PRUNE2: variants seen among roughly 807,000 people sequenced by gnomAD.
PRUNE2 encodes prune homolog 2 with BCH domain.
A neutral mutation model predicts 252.0 loss-of-function variants in PRUNE2; 164 were observed. The observed-to-expected ratio is 0.65, with a 90% CI of 0.57 to 0.74. PRUNE2 has a LOEUF of 0.74. PRUNE2 is among the 30% of genes least tolerant of loss of function. PRUNE2 has a pLI of 0.00. For synonymous variants in PRUNE2, 1,292 were observed against 1,350.2 expected (o/e 0.96, Z 0.94); for missense variants, 3,495 against 3,711.0 (o/e 0.94, Z 1.51).
At chr9:76,629,415 A>C in intron 15 of PRUNE2, 125 bp from the exon 16 acceptor site, 2 of 546,440 alleles carry the variant, frequency 3.7e-6, no homozygotes, top group Non-Finnish European at 6.4e-6. Context: ...CTAAGAGGCT[A>C]ACATTATTTG....
At chr9:76,798,640 A>G (rs949414083) in intron 6 of PRUNE2, among the ~76,000 whole-genome samples, 1 of 121,260 alleles carries the variant, frequency 8.2e-6, no homozygotes, top group Non-Finnish European at 1.6e-5. Context: ...GATTGCCATG[A>G]AAAAAAAATG....
At chr9:76,652,046 T>A (rs1242027628) in intron 11 of PRUNE2, 3 of 153,932 alleles carry the variant, frequency 1.9e-5, no homozygotes, top group Non-Finnish European at 4.3e-5. Context: ...AACATCTGAA[T>A]AAAGAGAAGG....
chr9:76,825,576 C>T (rs536422215), intron 5 of PRUNE2, among the ~76,000 whole-genome samples: 1 of 152,336 alleles, frequency 6.6e-6, no homozygotes, highest in Non-Finnish European at 1.5e-5. Flanking sequence ...TTAGTGTTTA[C>T]ATCTTAAAGA....
chr9:76,687,653 C>T (rs910616104), intron 9 of PRUNE2: 11 of 421,988 alleles, frequency 2.6e-5, no homozygotes, highest in African/African-American at 1.4e-4. Flanking sequence ...CCATTCATTC[C>T]GGTAGGAGTT....
intron 10 of PRUNE2, among the ~76,000 whole-genome samples, chr9:76,654,467 G>T (rs1848517926): frequency 6.6e-6 from 1 of 152,220 alleles, no homozygotes; most frequent in Non-Finnish European, 1.5e-5. Flanking sequence ...AATTTGCAGA[G>T]CAGTGATGTC....
At chr9:76,842,029 T>G (rs567345265) in intron 4 of PRUNE2, among the ~76,000 whole-genome samples, 13 of 152,282 alleles carry the variant, frequency 8.5e-5, no homozygotes, top group Admixed American at 2.6e-4. Context: ...AGAACCCGTA[T>G]AGCCAAGACA....
At chr9:76,886,178 C>T (rs1413477892) in intron 1 of PRUNE2, among the ~76,000 whole-genome samples, 1 of 150,052 alleles carries the variant, frequency 6.7e-6, no homozygotes, top group African/African-American at 2.5e-5. Context: ...GAGCGAGACT[C>T]CGTCTAAATT....
chr9:76,868,114 A>C (rs545584590), intron 1 of PRUNE2, among the ~76,000 whole-genome samples: 18 of 152,316 alleles, frequency 1.2e-4, no homozygotes, highest in African/African-American at 4.3e-4. Flanking sequence ...AGGTGGGTGT[A>C]GACGAGATTT....
chr9:76,905,877 C>T (rs1429155033), intron 1 of PRUNE2, 51 bp downstream of exon 1: 14 of 1,611,888 alleles, frequency 8.7e-6, no homozygotes, highest in Non-Finnish European at 1.1e-5. Flanking sequence ...CTCCACCTTT[C>T]CATTAGCATA....
At chr9:76,643,174 A>T (rs1413919920) in intron 12 of PRUNE2, among the ~76,000 whole-genome samples, 1 of 152,160 alleles carries the variant, frequency 6.6e-6, no homozygotes, top group Non-Finnish European at 1.5e-5. Flanking sequence ...CCTAAAGAAC[A>T]AGCAGGCGAG....
intron 6 of PRUNE2, chr9:76,737,231 A>G (rs971384828): frequency 6.6e-6 from 1 of 152,184 alleles, no homozygotes; most frequent in African/African-American, 2.4e-5. Context: ...GTAAGCTGCC[A>G]GGTTGATGAG....
chr9:76,814,701 T>C (rs1384644968), intron 6 of PRUNE2, among the ~76,000 whole-genome samples: 1 of 152,174 alleles, frequency 6.6e-6, no homozygotes, highest in Non-Finnish European at 1.5e-5. Flanking sequence ...TCCATGCCTT[T>C]AGTGCAAAAA....
chr9:76,836,466 T>C (rs2058982520), intron 4 of PRUNE2, among the ~76,000 whole-genome samples: 2 of 151,056 alleles, frequency 1.3e-5, no homozygotes, highest in South Asian at 2.1e-4. Flanking sequence ...TCAGCAAAAA[T>C]AGGTGGGCAA....
intron 1 of PRUNE2, among the ~76,000 whole-genome samples, chr9:76,881,458 A>G (rs924344828): frequency 5.9e-5 from 9 of 152,212 alleles, no homozygotes; most frequent in Non-Finnish European, 8.8e-5. Context: ...AAAGTGAACA[A>G]TTCAATGGAA....
chr9:76,847,221 G>C (rs1439846351), intron 3 of PRUNE2, among the ~76,000 whole-genome samples: 1 of 151,990 alleles, frequency 6.6e-6, no homozygotes, highest in Non-Finnish European at 1.5e-5. Context: ...AGCTACCTGG[G>C]AGGCTGAGGC....
rs540063867 is a variant in PRUNE2 at position 76,672,151 on chromosome 9, G to A, written c.8277-16649C>T. Among the ~76,000 whole-genome samples, 968 of 151,444 alleles carry A rather than the reference G, an allele frequency of 6.4e-3. 11 individuals carry two copies. Among genetic ancestry groups the A allele is most frequent in the African/African-American group, 0.022 (925 of 41,236 alleles). The stretch of plus-strand genomic sequence containing the variant: ...AGACCCATCAGTGTGCTGTATTCAG[G>A]AAACCCATCTCACGTGCACAGACAC... On this transcript the variant is annotated intron_variant, in intron 9 of 18. Coordinates refer to ENST00000376718, the MANE Select transcript of PRUNE2 (RefSeq NM_015225.3).
At chr9:76,824,166 T>C (rs2058208113) in intron 5 of PRUNE2, among the ~76,000 whole-genome samples, 1 of 152,192 alleles carries the variant, frequency 6.6e-6, no homozygotes, top group Non-Finnish European at 1.5e-5. Context: ...CATCCCTACC[T>C]GTTCCTAACT....
chr9:76,783,502 C>T (rs1181092168), intron 6 of PRUNE2, among the ~76,000 whole-genome samples: 3 of 152,178 alleles, frequency 2.0e-5, no homozygotes, highest in Admixed American at 6.5e-5. Flanking sequence ...AGGCACTGCA[C>T]TAGTGACTTT....
chr9:76,709,928 C>G lies in PRUNE2; in HGVS notation c.2346G>C (p.Trp782Cys), dbSNP rs1176540133. Residue 782 changes from tryptophan to cysteine, a missense_variant, in exon 8 of 19, where the codon TGG becomes TGC. By Grantham distance (215) the Trp-to-Cys change is radical. Coordinates refer to ENST00000376718, the MANE Select transcript of PRUNE2 (RefSeq NM_015225.3). ...GRSPTAMPEP[W>C]GNPTDDGEPA... ...GTTCACCATCATCTGTAGGATTTCC[C>G]CAGGGCTCGGGCATGGCTGTGGGAG... The G allele has an allele frequency of 1.2e-6, 2 of 1,613,664 alleles. No homozygotes were observed. Among genetic ancestry groups the G allele is most frequent in the African/African-American group, 2.7e-5 (2 of 74,882 alleles).
Sources: gnomAD v4.1 joint callset for allele counts (sites outside exome capture counted in the v4.1 genomes callset) on GRCh38, gnomAD v4.1.1 for gene constraint, MANE v1.5 for transcripts, NCBI Gene and HGNC (gene_info 2026-07-23, HGNC 2026-07-21) for gene names.